The following HMGA2 variants were observed in gnomAD, a reference collection of about 807,000 sequenced individuals.
The protein encoded by HMGA2 is high mobility group AT-hook 2.
In HMGA2, 8 loss-of-function variants were observed where a neutral mutation model predicts 19.1. That is an observed-to-expected ratio of 0.42 (90% CI 0.25 to 0.76). The LOEUF (loss-of-function observed/expected upper bound fraction) is 0.76. HMGA2 is among the 30% of genes least tolerant of loss of function. The probability of loss-of-function intolerance (pLI) is 0.28; values close to 1 mark genes in which losing one functional copy is unlikely to be tolerated. For missense variants in HMGA2, 109 were observed against 136.3 expected (o/e 0.80, Z 1.00); for synonymous variants, 60 against 48.8 (o/e 1.23, Z -0.96).
chr12:65,925,500 T>C (rs1592449477), intron 3 of HMGA2, among the ~76,000 whole-genome samples: 1 of 152,186 alleles, frequency 6.6e-6, no homozygotes, highest in East Asian at 1.9e-4. Context: ...TGGTGCCATC[T>C]TTTTCTTTGG....
intron 3 of HMGA2, among the ~76,000 whole-genome samples, chr12:65,928,306 T>C (rs1358033923): frequency 6.6e-6 from 1 of 152,136 alleles, no homozygotes; most frequent in Non-Finnish European, 1.5e-5. Flanking sequence ...GATTTTAAAA[T>C]GGTACACCTG....
rs568910116 is a variant in HMGA2, at chr12:65,839,752, A to G, written c.249+1183A>G. Among the ~76,000 whole-genome samples the G allele has an allele frequency of 2.4e-3, 365 of 152,320 alleles. 3 individuals are homozygous for G. The highest frequency in any genetic ancestry group is 8.1e-3 in the African/African-American group (337 of 41,578). Reference sequence around the variant, plus strand: ...CATTAAATTAGTTCTCTCCAAACCTACTTATCAAGTGGTGATCATCTAGCG... The same window carrying G: ...CATTAAATTAGTTCTCTCCAAACCTGCTTATCAAGTGGTGATCATCTAGCG... On this transcript the variant is annotated intron_variant, in intron 3 of 4. Coordinates refer to ENST00000403681, the MANE Select transcript of HMGA2 (RefSeq NM_003483.6).
intron 3 of HMGA2, among the ~76,000 whole-genome samples, chr12:65,902,013 A>T (rs1374782245): frequency 6.6e-6 from 1 of 152,208 alleles, no homozygotes; most frequent in Non-Finnish European, 1.5e-5. Flanking sequence ...TGATTAACTT[A>T]CTTTGTAAAG....
At chr12:65,831,531 A>G (rs947204260) in intron 2 of HMGA2, among the ~76,000 whole-genome samples, 7 of 151,906 alleles carry the variant, frequency 4.6e-5, no homozygotes, top group African/African-American at 1.7e-4. Context: ...TTTTGACTTT[A>G]GGTGTAATGG....
chr12:65,825,431 C>A lies in HMGA2; in HGVS notation c.111+50C>A, dbSNP rs1411558922. ...CACCAGCCCACCCCGTCCCCACTGC[C>A]GGGGCCCAGACACGCGCGGGGCGGC... On this transcript the variant is annotated intron_variant, in intron 1 of 4. Transcript: ENST00000403681. This position sits in a 1 kb window ranked among gnomAD's most constrained non-coding sequence, Gnocchi z 4.4. 8.1e-6 allele frequency: 11 copies of A among 1,356,802 alleles called. No individual in the cohort carries two copies. Among genetic ancestry groups the A allele is most frequent in the African/African-American group, 3.0e-5 (2 of 65,686 alleles). 84.0% of individuals were successfully genotyped at this position (1,356,802 alleles called of 1,614,324 possible). A position where few individuals can be genotyped will look rare whatever the true frequency, so the allele number is the denominator to read the frequency against.
chr12:65,884,090 T>C (rs765910392), intron 3 of HMGA2, among the ~76,000 whole-genome samples: 14 of 152,214 alleles, frequency 9.2e-5, no homozygotes, highest in Admixed American at 6.5e-5. Flanking sequence ...GGTCTTGAAC[T>C]CCTGACCTCA....
At chr12:65,851,287 G>GTCAA (rs1178144804) in intron 3 of HMGA2, 2 of 156,662 alleles carry the variant, frequency 1.3e-5, no homozygotes, top group Non-Finnish European at 2.8e-5. Context: ...GCCGAGGCAG[G>GTCAA]TCAATCACTT....
intron 3 of HMGA2, among the ~76,000 whole-genome samples, chr12:65,864,608 A>C (rs1872288744): frequency 6.6e-6 from 1 of 152,174 alleles, no homozygotes; most frequent in Non-Finnish European, 1.5e-5. Flanking sequence ...CATACTAGGA[A>C]AAAAAGGTTT....
intron 3 of HMGA2, among the ~76,000 whole-genome samples, chr12:65,839,161 A>G (rs577557228): frequency 6.6e-6 from 1 of 152,066 alleles, no homozygotes; most frequent in African/African-American, 2.4e-5. Context: ...CATTAGAGAT[A>G]GCTGTATCCA....
At chr12:65,948,289 A>G (rs1192182513) in intron 3 of HMGA2, 1 of 152,234 alleles carries the variant, frequency 6.6e-6, no homozygotes, top group Non-Finnish European at 1.5e-5. Context: ...GAAGACTAAT[A>G]TGTATCATTG....
chr12:65,845,515 C>A (rs1275470849), intron 3 of HMGA2, among the ~76,000 whole-genome samples: 4 of 152,078 alleles, frequency 2.6e-5, no homozygotes, highest in African/African-American at 9.7e-5. Flanking sequence ...GTGATCCTCC[C>A]ACCTCAGCCT....
intron 3 of HMGA2, among the ~76,000 whole-genome samples, chr12:65,933,195 A>T (rs1875777054): frequency 6.6e-6 from 1 of 152,140 alleles, no homozygotes; most frequent in South Asian, 2.1e-4. Context: ...AGACTAGCAT[A>T]GGTTTGAAAT....
chr12:65,881,763 G>A (rs1158821218), intron 3 of HMGA2: 2 of 703,092 alleles, frequency 2.8e-6, no homozygotes, highest in Admixed American at 2.0e-5. Context: ...TGAAGAGCCC[G>A]TGCTGGTGAA....
chr12:65,888,646 C>G (rs1220393860), intron 3 of HMGA2, among the ~76,000 whole-genome samples: 11 of 124,992 alleles, frequency 8.8e-5, no homozygotes, highest in Admixed American at 4.8e-4. Flanking sequence ...TCACTGCAAG[C>G]TCCGCCTCCC....
At chr12:65,939,730 T>C (rs978162591) in intron 3 of HMGA2, among the ~76,000 whole-genome samples, 2 of 152,182 alleles carry the variant, frequency 1.3e-5, no homozygotes, top group Admixed American at 6.5e-5. Context: ...AATAATGTCA[T>C]GGATGGTAAC....
At chr12:65,836,218 G>T (rs1181985187) in intron 2 of HMGA2, among the ~76,000 whole-genome samples, 1 of 152,096 alleles carries the variant, frequency 6.6e-6, no homozygotes, top group African/African-American at 2.4e-5. Context: ...AATTAGCCGG[G>T]TGTGGTGGCA....
chr12:65,915,877 G>A (rs757949353), intron 3 of HMGA2, among the ~76,000 whole-genome samples: 4 of 152,070 alleles, frequency 2.6e-5, no homozygotes, highest in Non-Finnish European at 2.9e-5. Context: ...TCATATTAAC[G>A]TTGCTTCCCC....
At chr12:65,867,766 C>T in intron 3 of HMGA2, 1 of 217,704 alleles carries the variant, frequency 4.6e-6, no homozygotes, top group Admixed American at 4.5e-5. Context: ...CGTATTAACA[C>T]ATAAAGCTTG....
intron 3 of HMGA2, among the ~76,000 whole-genome samples, chr12:65,916,268 G>T (rs1450283567): frequency 6.6e-6 from 1 of 152,124 alleles, no homozygotes; most frequent in East Asian, 1.9e-4. Context: ...GGAGGTAGAA[G>T]AATACTTTAA....
Sources: allele counts gnomAD v4.1 joint callset (sites outside exome capture counted in the v4.1 genomes callset), GRCh38; gene constraint gnomAD v4.1.1; non-coding constraint Gnocchi (gnomAD v3.1); transcripts MANE v1.5; gene names NCBI Gene and HGNC (gene_info 2026-07-23, HGNC 2026-07-21).